TAF1A: variants seen among roughly 807,000 people sequenced by gnomAD.
TAF1A encodes the protein TATA box-binding protein-associated factor RNA polymerase I subunit A.
Under a neutral mutation model 61.6 loss-of-function variants are expected in TAF1A, and 42 were observed. The ratio of observed to expected loss-of-function variants is 0.68; its 90% CI spans 0.53 to 0.88. The LOEUF is 0.88. Among genes scored for constraint, TAF1A ranks in the 40% least tolerant of loss-of-function variants. The pLI is 0.00. For synonymous variants in TAF1A, 179 were observed against 177.7 expected (o/e 1.01, Z -0.06); for missense variants, 424 against 518.7 (o/e 0.82, Z 1.77).
chr1:222,570,983 C>T (rs903833705), intron 5 of TAF1A, among the ~76,000 whole-genome samples: 4 of 152,088 alleles, frequency 2.6e-5, no homozygotes, highest in African/African-American at 9.7e-5. Context: ...AAACTGAGTC[C>T]AACAACATAT....
At chr1:222,557,106 G>T (rs1422431153), downstream of TAF1A, among the ~76,000 whole-genome samples, 1 of 152,128 alleles carries the variant, frequency 6.6e-6, no homozygotes, top group East Asian at 1.9e-4. Context: ...TCTTGCAGAT[G>T]GTTTAGAATT....
chr1:222,572,379 G>T (rs1660395141), intron 5 of TAF1A, among the ~76,000 whole-genome samples: 1 of 151,948 alleles, frequency 6.6e-6, no homozygotes. Context: ...TGTAAGACAG[G>T]GCCTTACTTT....
At chr1:222,557,500 G>A (rs998602276), downstream of TAF1A, among the ~76,000 whole-genome samples, 8 of 152,144 alleles carry the variant, frequency 5.3e-5, no homozygotes, top group Non-Finnish European at 1.0e-4. Context: ...CACCAGGCTG[G>A]AGTGCAGTGA....
intron 3 of TAF1A, among the ~76,000 whole-genome samples, chr1:222,582,535 G>A (rs534667844): frequency 3.8e-4 from 58 of 152,174 alleles, no homozygotes; most frequent in Non-Finnish European, 4.1e-4. Flanking sequence ...AAACAGTCTG[G>A]CAGTTCCTCA....
intron 3 of TAF1A, among the ~76,000 whole-genome samples, chr1:222,581,097 C>G (rs1156762535): frequency 6.6e-6 from 1 of 151,990 alleles, no homozygotes; most frequent in African/African-American, 2.4e-5. Context: ...GAGACTCCAT[C>G]TCAAAAAATA....
At position 222,578,405 on chromosome 1, in the gene TAF1A, C is replaced by T. The variant is rs1261572232; in HGVS notation, c.406-762G>A. On this transcript the variant is annotated intron_variant, in intron 4 of 10. Transcript: ENST00000352967. ...ATCTTGTTAGTCATTTGCATAAACT[C>T]CTTCAATGGCTCCCACTGACTACAG... 2.6e-5 allele frequency among the ~76,000 whole-genome samples: 4 copies of T among 152,194 alleles called. No individual in the cohort carries two copies. In the East Asian group the frequency reaches 7.7e-4, roughly 29 times the overall value.
At chr1:222,579,517 G>C (rs1982983) in intron 4 of TAF1A, among the ~76,000 whole-genome samples, 20,885 of 152,140 alleles carry the variant, frequency 0.14, 1,550 homozygotes, top group Middle Eastern at 0.2. Context: ...TGAATAACTG[G>C]TTTTGGCAGC....
At chr1:222,583,290 G>C (rs1660866780) in intron 3 of TAF1A, among the ~76,000 whole-genome samples, 1 of 152,070 alleles carries the variant, frequency 6.6e-6, no homozygotes, top group South Asian at 2.1e-4. Context: ...CAGGGTTTTG[G>C]TTTCATGGGA....
At chr1:222,587,787 C>T (rs1224458352) in intron 2 of TAF1A, among the ~76,000 whole-genome samples, 1 of 152,084 alleles carries the variant, frequency 6.6e-6, no homozygotes, top group Non-Finnish European at 1.5e-5. Context: ...TGCAGTGGCT[C>T]ATGCCTGTAA....
intron 10 of TAF1A, among the ~76,000 whole-genome samples, chr1:222,559,292 G>A (rs1253794240): frequency 6.6e-6 from 1 of 152,236 alleles, no homozygotes; most frequent in Non-Finnish European, 1.5e-5. Context: ...TCATAGGTTA[G>A]AAACGGTCAA....
intron 3 of TAF1A, among the ~76,000 whole-genome samples, chr1:222,582,532 C>G (rs900739716): frequency 7.2e-5 from 11 of 152,220 alleles, no homozygotes; most frequent in African/African-American, 2.7e-4. Context: ...GGAAAACAGT[C>G]TGGCAGTTCC....
chr1:222,563,999 T>A (rs1474502053), intron 8 of TAF1A, 60 bp downstream of exon 8: 9 of 1,041,896 alleles, frequency 8.6e-6, no homozygotes, highest in Non-Finnish European at 1.3e-5. Context: ...CTAAACTAGT[T>A]TGCTGGTCCC....
At chr1:222,564,014 C>CTA (rs749524679) in intron 8 of TAF1A, 45 bp downstream of exon 8, 1 of 1,224,386 alleles carries the variant, frequency 8.2e-7, no homozygotes, top group Admixed American at 1.8e-5. Context: ...GGTCCCTAGT[C>CTA]TATAGCTTGT....
At position 222,570,663 on chromosome 1, in the gene TAF1A, T is replaced by A; in HGVS notation, c.607A>T (p.Lys203Ter). ...EKKMELSKLD[K>*]DDYAYNAVAQ... Reference sequence around the variant, plus strand: ...ACTGCATTGTAAGCATAATCATCCTTATCTGCCCAAAGATACAAGATCTTT... The same window carrying A: ...ACTGCATTGTAAGCATAATCATCCTAATCTGCCCAAAGATACAAGATCTTT... The change falls in exon 6 of 11, where the codon AAG becomes TAG. Residue 203 changes from lysine to a stop codon, truncating the protein, a stop_gained and splice_region_variant. Transcript: ENST00000352967. LOFTEE classifies it high-confidence loss of function. The A allele has an allele frequency of 6.2e-7, 1 of 1,602,878 alleles. No homozygotes were observed. Among genetic ancestry groups the A allele is most frequent in the Non-Finnish European group, 8.5e-7 (1 of 1,172,874 alleles).
At chr1:222,575,595 C>T (rs187647021) in intron 5 of TAF1A, among the ~76,000 whole-genome samples, 2 of 152,144 alleles carry the variant, frequency 1.3e-5, no homozygotes, top group Non-Finnish European at 1.5e-5. Context: ...TCCTAGTCAC[C>T]AAGTGCATCA....
chr1:222,583,639 A>G (rs1461970071), intron 3 of TAF1A, among the ~76,000 whole-genome samples: 1 of 152,062 alleles, frequency 6.6e-6, no homozygotes, highest in Non-Finnish European at 1.5e-5. Context: ...AGAGATTGAG[A>G]CCGTCCTGGC....
At chr1:222,580,397 T>C (rs971651056) in intron 3 of TAF1A, among the ~76,000 whole-genome samples, 3 of 152,174 alleles carry the variant, frequency 2.0e-5, no homozygotes, top group Non-Finnish European at 2.9e-5. Flanking sequence ...AAAAAAATAT[T>C]TTATCCTCAG....
intron 10 of TAF1A, 125 bp downstream of exon 10, chr1:222,561,239 A>AAC: frequency 1.2e-6 from 1 of 868,038 alleles, no homozygotes; most frequent in East Asian, 2.8e-5. Flanking sequence ...TCCATTGAGC[A>AAC]GTTATGTCTT....
In TAF1A at chr1:222,570,569, C is replaced by A; in HGVS notation, c.701G>T (p.Gly234Val). 1 of 1,612,392 alleles carries A rather than the reference C, an allele frequency of 6.2e-7. No homozygotes were observed. The highest frequency in any genetic ancestry group is 8.5e-7 in the Non-Finnish European group (1 of 1,178,866). ...ANISALIKIP[G>V]VWDPFVKSYV... ...ACTCTTCACAAAAGGGTCCCAAACT[C>A]CAGGAATTTTAATCAATGCAGAAAT... Residue 234 changes from glycine (G) to valine (V), a missense_variant, in exon 6 of 11, where the codon GGA becomes GTA. Transcript: ENST00000352967.
Sources: allele counts gnomAD v4.1 joint callset (sites outside exome capture counted in the v4.1 genomes callset), GRCh38; gene constraint gnomAD v4.1.1; transcripts MANE v1.5; gene names NCBI Gene and HGNC (gene_info 2026-07-23, HGNC 2026-07-21).